MTUS1: variants seen among roughly 807,000 people sequenced by gnomAD.
MTUS1 encodes microtubule associated scaffold protein 1, also known as microtubule-associated tumor suppressor 1.
Under a neutral mutation model 120.8 loss-of-function variants are expected in MTUS1, and 109 were observed. The ratio of observed to expected loss-of-function variants is 0.90; its 90% CI spans 0.77 to 1.06. MTUS1 has a LOEUF of 1.06. Ranked by LOEUF, MTUS1 falls within the 50% of genes least tolerant of loss-of-function variation. The probability of loss-of-function intolerance (pLI) is 0.00; values close to 1 mark genes in which losing one functional copy is unlikely to be tolerated. For missense variants in MTUS1, 2,210 were observed against 1,486.3 expected, an observed-to-expected ratio of 1.49 and a Z score of -8.01; for synonymous variants, 737 against 550.5, an observed-to-expected ratio of 1.34 and a Z score of -4.74.
intron 10 of MTUS1, 183 bp downstream of exon 10, chr8:17,654,378 G>T: frequency 1.7e-6 from 1 of 589,794 alleles, no homozygotes; most frequent in South Asian, 2.2e-5. Flanking sequence ...ACTATTATTT[G>T]CATCCTTAGT....
chr8:17,666,204 A>G (rs140541332), intron 8 of MTUS1, among the ~76,000 whole-genome samples: 1 of 150,888 alleles, frequency 6.6e-6, no homozygotes, highest in South Asian at 2.1e-4. Context: ...ATATCTGACA[A>G]TATGTTCTAA....
intron 6 of MTUS1, chr8:17,708,868 T>G (rs928778262): frequency 6.6e-6 from 1 of 152,226 alleles, no homozygotes; most frequent in African/African-American, 2.4e-5. Context: ...CTGGGCGCAG[T>G]GACTCACGCC....
At chr8:17,712,761 G>A (rs1821580497) in intron 6 of MTUS1, among the ~76,000 whole-genome samples, 1 of 151,076 alleles carries the variant, frequency 6.6e-6, no homozygotes, top group Non-Finnish European at 1.5e-5. Flanking sequence ...ATTCTCAGCT[G>A]TGGTTCAAAT....
At chr8:17,789,486 C>T (rs2051591417) in intron 1 of MTUS1, among the ~76,000 whole-genome samples, 1 of 152,134 alleles carries the variant, frequency 6.6e-6, no homozygotes, top group Non-Finnish European at 1.5e-5. Context: ...TGACCATGAA[C>T]ATTTCCTTGT....
intron 2 of MTUS1, among the ~76,000 whole-genome samples, chr8:17,745,076 A>G (rs1055659148): frequency 2.6e-5 from 4 of 152,208 alleles, no homozygotes; most frequent in African/African-American, 7.2e-5. Flanking sequence ...TTGGGTCAGA[A>G]TAAGTCTCTT....
intron 6 of MTUS1, among the ~76,000 whole-genome samples, chr8:17,686,532 T>C (rs1012936771): frequency 1.4e-4 from 21 of 152,224 alleles, no homozygotes; most frequent in Non-Finnish European, 2.9e-4. Flanking sequence ...CGAAACTTAC[T>C]TAAAAATTCA....
intron 1 of MTUS1, among the ~76,000 whole-genome samples, chr8:17,765,965 A>G (rs543015067): frequency 6.6e-6 from 1 of 152,168 alleles, no homozygotes; most frequent in Non-Finnish European, 1.5e-5. Flanking sequence ...CATTTAAGAT[A>G]TCATTTACTA....
At chr8:17,766,806 T>C (rs2049542680) in intron 1 of MTUS1, among the ~76,000 whole-genome samples, 1 of 152,132 alleles carries the variant, frequency 6.6e-6, no homozygotes, top group South Asian at 2.1e-4. Context: ...GGTAGGTAGA[T>C]TGAATTGAGA....
intron 6 of MTUS1, among the ~76,000 whole-genome samples, chr8:17,701,912 T>A (rs1400624282): frequency 6.6e-6 from 1 of 152,204 alleles, no homozygotes; most frequent in African/African-American, 2.4e-5. Context: ...TTTTTAAACT[T>A]AACATAAGCT....
At chr8:17,766,915 T>C (rs187464385) in intron 1 of MTUS1, among the ~76,000 whole-genome samples, 112 of 152,230 alleles carry the variant, frequency 7.4e-4, no homozygotes, top group Non-Finnish European at 1.2e-3. Flanking sequence ...GCAGAGTTAA[T>C]GGATGTTAAA....
chr8:17,767,718 A>AG (rs2049664890), intron 1 of MTUS1, among the ~76,000 whole-genome samples: 1 of 147,642 alleles, frequency 6.8e-6, no homozygotes, highest in Non-Finnish European at 1.5e-5. Flanking sequence ...AAAAAAAAAA[A>AG]CGGTGTGAAA....
At chr8:17,794,126 G>A (rs1001208121) in intron 1 of MTUS1, among the ~76,000 whole-genome samples, 2 of 152,028 alleles carry the variant, frequency 1.3e-5, no homozygotes, top group Admixed American at 6.6e-5. Flanking sequence ...TCAGGAGTTC[G>A]AGACCAGCCT....
intron 3 of MTUS1, among the ~76,000 whole-genome samples, chr8:17,730,274 G>A (rs2046477212): frequency 6.6e-6 from 1 of 152,162 alleles, no homozygotes; most frequent in Admixed American, 6.6e-5. Context: ...GCCAGGCCAG[G>A]AGTTTGAGAC....
chr8:17,713,583 T>G (rs1821751990), intron 5 of MTUS1, among the ~76,000 whole-genome samples: 1 of 152,188 alleles, frequency 6.6e-6, no homozygotes, highest in South Asian at 2.1e-4. Flanking sequence ...ACTGTGCACA[T>G]ATGCCATTCT....
intron 6 of MTUS1, chr8:17,693,332 T>C (rs1817324117): frequency 6.6e-6 from 1 of 152,192 alleles, no homozygotes; most frequent in African/African-American, 2.4e-5. Context: ...CACGCACAGT[T>C]CCTGACAAAT....
intron 2 of MTUS1, among the ~76,000 whole-genome samples, chr8:17,744,370 A>G (rs1490020166): frequency 3.3e-5 from 5 of 151,670 alleles, no homozygotes; most frequent in African/African-American, 1.2e-4. Context: ...ACAGCCCCTT[A>G]TCTTATCTTA....
chr8:17,739,759 C>T (rs1001819028), intron 3 of MTUS1, among the ~76,000 whole-genome samples: 1 of 152,136 alleles, frequency 6.6e-6, no homozygotes, highest in Non-Finnish European at 1.5e-5. Context: ...GAGCCTGGAA[C>T]CCGACATATA....
chr8:17,706,122 T>C (rs569988673), intron 6 of MTUS1: 1 of 152,228 alleles, frequency 6.6e-6, no homozygotes, highest in East Asian at 1.9e-4. Flanking sequence ...TTCAACTTCC[T>C]GGAAAAGAAC....
intron 7 of MTUS1, among the ~76,000 whole-genome samples, chr8:17,680,385 A>T (rs941469483): frequency 5.6e-5 from 8 of 142,780 alleles, no homozygotes; most frequent in Non-Finnish European, 9.0e-5. Context: ...AACTGGTTGA[A>T]CCCAGGTGGC....
Sources: gnomAD v4.1 joint callset for allele counts (sites outside exome capture counted in the v4.1 genomes callset) on GRCh38, gnomAD v4.1.1 for gene constraint, MANE v1.5 for transcripts, NCBI Gene and HGNC (gene_info 2026-07-23, HGNC 2026-07-21) for gene names.